INTS9: variants seen among roughly 807,000 people sequenced by gnomAD.
INTS9 encodes protein related to CPSF subunits of 74 kDa.
Under a neutral mutation model 79.7 loss-of-function variants are expected in INTS9, and 55 were observed. The ratio of observed to expected loss-of-function variants is 0.69; its 90% CI spans 0.56 to 0.86. INTS9 has a LOEUF of 0.86. INTS9 is among the 40% of genes least tolerant of loss of function. The pLI is 0.00. For missense variants in INTS9, 721 were observed against 831.5 expected, an observed-to-expected ratio of 0.87 and a Z score of 1.64; for synonymous variants, 319 against 325.2, an observed-to-expected ratio of 0.98 and a Z score of 0.20.
intron 2 of INTS9, among the ~76,000 whole-genome samples, chr8:28,852,092 G>A (rs1035182721): frequency 7.0e-6 from 1 of 143,516 alleles, no homozygotes; most frequent in Non-Finnish European, 1.5e-5. Flanking sequence ...GGTGGTACAC[G>A]CTTGCAGTCT....
At chr8:28,787,111 T>G (rs191062398) in intron 11 of INTS9, among the ~76,000 whole-genome samples, 4 of 152,340 alleles carry the variant, frequency 2.6e-5, no homozygotes, top group Admixed American at 6.5e-5. Context: ...TCTGTTAGCT[T>G]CATTGTAGTA....
At chr8:28,829,992 G>A (rs1490324883) in intron 6 of INTS9, among the ~76,000 whole-genome samples, 2 of 151,480 alleles carry the variant, frequency 1.3e-5, no homozygotes. Context: ...AGCCCTGTAG[G>A]CATTGTAGAC....
intron 8 of INTS9, among the ~76,000 whole-genome samples, chr8:28,802,051 TTCCAA>T (rs1804558371): frequency 6.6e-6 from 1 of 152,196 alleles, no homozygotes; most frequent in African/African-American, 2.4e-5. Context: ...AATCACCGCC[TTCCAA>T]TCCCATGGAT....
chr8:28,771,978 A>C (rs1203462699), intron 14 of INTS9, among the ~76,000 whole-genome samples: 1 of 151,974 alleles, frequency 6.6e-6, no homozygotes, highest in African/African-American at 2.4e-5. Flanking sequence ...TTCCCTCCTC[A>C]GCCTCCCCAG....
At chr8:28,773,211 C>T (rs1223509945) in intron 14 of INTS9, among the ~76,000 whole-genome samples, 1 of 152,164 alleles carries the variant, frequency 6.6e-6, no homozygotes, top group Non-Finnish European at 1.5e-5. Flanking sequence ...CGCCTGTAAT[C>T]CCAGCACTCT....
chr8:28,850,816 T>C (rs1357042085), intron 2 of INTS9, among the ~76,000 whole-genome samples: 1 of 152,218 alleles, frequency 6.6e-6, no homozygotes, highest in Non-Finnish European at 1.5e-5. Flanking sequence ...GTGACTTGAG[T>C]TTCCAATTCT....
At chr8:28,840,906 C>G (rs1006174093) in intron 4 of INTS9, among the ~76,000 whole-genome samples, 56 of 147,198 alleles carry the variant, frequency 3.8e-4, no homozygotes, top group Non-Finnish European at 7.6e-4. Context: ...CTAACCTGCA[C>G]ATTGTGCACA....
At chr8:28,795,143 C>T (rs987561745) in intron 9 of INTS9, among the ~76,000 whole-genome samples, 2 of 152,182 alleles carry the variant, frequency 1.3e-5, no homozygotes, top group East Asian at 1.9e-4. Context: ...AGTAATATCA[C>T]TTAAAGTTGC....
At chr8:28,868,896 C>T (rs1808913660) in intron 1 of INTS9, among the ~76,000 whole-genome samples, 2 of 152,050 alleles carry the variant, frequency 1.3e-5, no homozygotes, top group Non-Finnish European at 2.9e-5. Flanking sequence ...GCCAGGAGTT[C>T]AAGACCAGCC....
intron 12 of INTS9, among the ~76,000 whole-genome samples, chr8:28,778,384 C>T (rs571793957): frequency 6.6e-6 from 1 of 152,224 alleles, no homozygotes; most frequent in East Asian, 1.9e-4. Context: ...TCAAAGAGTC[C>T]CCCACAAGGT....
chr8:28,861,391 T>C (rs977993248), intron 1 of INTS9, among the ~76,000 whole-genome samples: 4 of 152,144 alleles, frequency 2.6e-5, no homozygotes, highest in South Asian at 4.1e-4. Flanking sequence ...GCTCCAAATA[T>C]AGCAAATGTT....
intron 1 of INTS9, among the ~76,000 whole-genome samples, chr8:28,881,149 T>C (rs55803187): frequency 7.1e-3 from 523 of 73,468 alleles, no homozygotes; most frequent in East Asian, 8.5e-3. Flanking sequence ...CCCGCCCGGC[T>C]GGCCGCCCCG....
At chr8:28,884,766 C>T (rs756729838) in intron 1 of INTS9, among the ~76,000 whole-genome samples, 2 of 152,150 alleles carry the variant, frequency 1.3e-5, no homozygotes, top group African/African-American at 2.4e-5. Flanking sequence ...CAAAGAAAAA[C>T]AGAAAAGACA....
At position 28,793,874 on chromosome 8, in the gene INTS9, C is replaced by A. The variant is rs557738365; in HGVS notation, c.970G>T (p.Val324Phe). 6 of 1,613,458 alleles carry A rather than the reference C, an allele frequency of 3.7e-6. No individual in the cohort carries two copies. In the East Asian group the frequency reaches 1.1e-4, roughly 30 times the overall value. The part of the protein sequence containing the change: ...QYIDSAGLSS[V>F]PLYFISPVAN... ...ACAGGGGAGATGAAGTAGAGGGGGA[C>A]GCTGGAAAGCCCGGCTGAGTCGATG... Residue 324 changes from valine (V) to phenylalanine (F), a missense_variant, in exon 10 of 17, where the codon GTC becomes TTC. Physicochemically the swap from Val to Phe is conservative, Grantham distance 50 (BLOSUM62 -1). This residue lies in a region of INTS9 where 149 missense variants were observed against 223.7 expected (regional missense o/e 0.67). Transcript: ENST00000521022.
chr8:28,783,568 G>A (rs138472640), intron 11 of INTS9: 1 of 152,330 alleles, frequency 6.6e-6, no homozygotes, highest in East Asian at 1.9e-4. Flanking sequence ...TGGGGATGTG[G>A]CCAGAATAGG....
At chr8:28,801,175 G>C (rs1184052748) in intron 8 of INTS9, among the ~76,000 whole-genome samples, 1 of 152,188 alleles carries the variant, frequency 6.6e-6, no homozygotes, top group Non-Finnish European at 1.5e-5. Flanking sequence ...AACCTACATA[G>C]CAACTGCCTT....
At chr8:28,782,196 T>A (rs186709065) in intron 11 of INTS9, among the ~76,000 whole-genome samples, 17 of 152,342 alleles carry the variant, frequency 1.1e-4, no homozygotes, top group African/African-American at 3.8e-4. Context: ...GGAAACATAT[T>A]CAGATTGTTA....
rs181151748 is a variant in INTS9 at position 28,863,855 on chromosome 8, C to T, written c.10-4292G>A. On this transcript the variant is annotated intron_variant, in intron 1 of 16. Transcript: ENST00000521022. ...TGCACAGCAATTATATTGTATTAGACGTTATCTGCTGTGGGTATGGAGGGA... is the reference window on the plus strand; with the variant it reads ...TGCACAGCAATTATATTGTATTAGATGTTATCTGCTGTGGGTATGGAGGGA... Among the ~76,000 whole-genome samples, 8 of 152,244 alleles carry T rather than the reference C, an allele frequency of 5.3e-5. No individual in the cohort carries two copies. The East Asian group carries it at 1.5e-3, about 29-fold the overall frequency.
At chr8:28,778,088 G>A (rs563821485) in intron 12 of INTS9, 135 bp from the exon 13 acceptor site, 8 of 931,964 alleles carry the variant, frequency 8.6e-6, no homozygotes, top group Middle Eastern at 3.2e-4. Flanking sequence ...CGTGGGGGAC[G>A]GAGGTCAAAG....
Sources: allele counts gnomAD v4.1 joint callset (sites outside exome capture counted in the v4.1 genomes callset), GRCh38; gene constraint gnomAD v4.1.1; regional missense constraint gnomAD v4.1.1; transcripts MANE v1.5; gene names NCBI Gene and HGNC (gene_info 2026-07-23, HGNC 2026-07-21).